Variants in CPAMD8 observed in about 807,000 individuals in gnomAD.
CPAMD8 encodes the protein C3 and PZP like alpha-2-macroglobulin domain containing 8, also known as C3 and PZP-like alpha-2-macroglobulin domain-containing protein 8.
Under a neutral mutation model 224.7 loss-of-function variants are expected in CPAMD8, and 146 were observed. The ratio of observed to expected loss-of-function variants is 0.65; its 90% CI spans 0.57 to 0.75. The LOEUF (loss-of-function observed/expected upper bound fraction) is 0.75. Among genes scored for constraint, CPAMD8 ranks in the 30% least tolerant of loss-of-function variants. The pLI is 0.00. For synonymous variants in CPAMD8, 966 were observed against 1,044.6 expected, an observed-to-expected ratio of 0.92 and a Z score of 1.45; for missense variants, 2,301 against 2,537.5, an observed-to-expected ratio of 0.91 and a Z score of 2.00.
At chr19:17,016,988 C>G (rs1170498051) in intron 3 of CPAMD8, among the ~76,000 whole-genome samples, 3 of 151,984 alleles carry the variant, frequency 2.0e-5, no homozygotes, top group Middle Eastern at 3.4e-3. Context: ...AGTCAATGGC[C>G]TGTTAGGAAT....
In CPAMD8 at chr19:16,925,358, G is replaced by T. The variant is rs1041584176; in HGVS notation, c.3385C>A (p.Pro1129Thr). Reference protein sequence around the residue: ...TASIIGDVMGPTLNHLNNLLR... With the variant: ...TASIIGDVMGTTLNHLNNLLR... Reference sequence around the variant, plus strand: ...AGGTTGTTGAGGTGGTTCAGGGTTGGCCCCATGACGTCCCCTGGTGGGAAG... The same window carrying T: ...AGGTTGTTGAGGTGGTTCAGGGTTGTCCCCATGACGTCCCCTGGTGGGAAG... Residue 1129 changes from proline to threonine, a missense_variant, in exon 26 of 42, where the codon CCA (proline) becomes ACA (threonine). Physicochemically the swap from Pro to Thr is conservative, Grantham distance 38. Coordinates refer to ENST00000443236, the MANE Select transcript of CPAMD8 (RefSeq NM_015692.5). The T allele has an allele frequency of 1.9e-6, 3 of 1,614,024 alleles. No individual in the cohort carries two copies. In the South Asian group the frequency reaches 3.3e-5, roughly 18 times the overall value.
At chr19:16,904,177 C>CCCCCCCCCCCCCCAGCAG in intron 32 of CPAMD8, 49 bp downstream of exon 32, 1 of 479,116 alleles carries the variant, frequency 2.1e-6, no homozygotes. Flanking sequence ...ACTGCAGGGA[C>CCCCCCCCCCCCCCAGCAG]CCCACCCACC....
chr19:16,990,581 T>C (rs2055903702), intron 12 of CPAMD8, among the ~76,000 whole-genome samples: 1 of 151,886 alleles, frequency 6.6e-6, no homozygotes, highest in Admixed American at 6.6e-5. Context: ...AAAAAGAAGT[T>C]GGGCCAGGCG....
intron 34 of CPAMD8, 85 bp from the exon 35 acceptor site, chr19:16,902,948 G>A: frequency 2.7e-6 from 2 of 742,256 alleles, no homozygotes; most frequent in Non-Finnish European, 4.4e-6. Flanking sequence ...GCAGTGGGGA[G>A]GTGGGAACAG....
intron 27 of CPAMD8, among the ~76,000 whole-genome samples, chr19:16,918,578 G>C (rs1459546395): frequency 6.6e-6 from 1 of 151,114 alleles, no homozygotes; most frequent in Non-Finnish European, 1.5e-5. Context: ...CTCCCCAGTA[G>C]TTGGGACTAA....
chr19:16,962,612 C>T (rs934065085), intron 18 of CPAMD8, among the ~76,000 whole-genome samples: 1 of 152,152 alleles, frequency 6.6e-6, no homozygotes, highest in African/African-American at 2.4e-5. Flanking sequence ...AGTTGGAAAA[C>T]ACTCTGCAGG....
At chr19:17,001,265 G>C (rs2056304692) in intron 9 of CPAMD8, among the ~76,000 whole-genome samples, 1 of 137,248 alleles carries the variant, frequency 7.3e-6, no homozygotes, top group Admixed American at 8.1e-5. Context: ...AGAGGTTGCA[G>C]AGAGCTGAGA....
At chr19:17,000,333 G>A in intron 10 of CPAMD8, 81 bp downstream of exon 10, 2 of 659,654 alleles carry the variant, frequency 3.0e-6, no homozygotes, top group Non-Finnish European at 5.6e-6. Context: ...ATAACAATAA[G>A]AGAAAGTAAA....
At position 16,947,137 on chromosome 19, in the gene CPAMD8, C is replaced by G; in HGVS notation, c.2599G>C (p.Gly867Arg). The G allele has an allele frequency of 6.2e-7, 1 of 1,613,592 alleles. No homozygotes were observed. The highest frequency in any genetic ancestry group is 8.5e-7 in the Non-Finnish European group (1 of 1,179,744). Reference protein sequence around the residue: ...HVTKKMCVAPGEAEPIWVVLS... With the variant: ...HVTKKMCVAPREAEPIWVVLS... The stretch of plus-strand genomic sequence containing the variant: ...ACGACCCAGATGGGCTCAGCCTCCC[C>G]GGGGGCCACACACATCTTCTTGGTC... Residue 867 changes from glycine to arginine, a missense_variant, in exon 21 of 42, where the codon GGG becomes CGG. Gly to Arg is a moderately radical substitution (Grantham distance 125). Transcript: ENST00000443236.
chr19:17,026,426 G>A (rs1474812187), intron 1 of CPAMD8, 125 bp downstream of exon 1: 11 of 1,087,990 alleles, frequency 1.0e-5, no homozygotes, highest in African/African-American at 1.7e-5. Flanking sequence ...GGGAACAAGA[G>A]GCCAGGTCCA....
At chr19:16,920,812 C>T (rs926373308) in intron 27 of CPAMD8, among the ~76,000 whole-genome samples, 3 of 149,280 alleles carry the variant, frequency 2.0e-5, no homozygotes, top group African/African-American at 5.0e-5. Flanking sequence ...CCCAAGATTG[C>T]ACCACTGCAC....
intron 3 of CPAMD8, among the ~76,000 whole-genome samples, chr19:17,017,950 T>C (rs1438028711): frequency 6.6e-6 from 1 of 151,574 alleles, no homozygotes; most frequent in Non-Finnish European, 1.5e-5. Context: ...GGAGAATCAC[T>C]TGAACCCAGG....
Position 16,896,479 on chromosome 19 carries a change from G to C in CPAMD8, c.5252C>G (p.Ala1751Gly). ...ACRQAAPLEP[A>G]PPSCCALEQR... ...ACCGAGGGCGCAGCAGCTGGGAGGC[G>C]CGGGCTCCAGGGGCGCGGCCTGGCG... Residue 1751 changes from alanine to glycine, a missense_variant, in exon 40 of 42, where the codon GCG becomes GGG. Ala to Gly is a moderately conservative substitution (Grantham distance 60). Coordinates refer to ENST00000443236, the MANE Select transcript of CPAMD8 (RefSeq NM_015692.5). 6.9e-7 allele frequency: 1 copy of C among 1,441,974 alleles called. No homozygotes were observed. Among genetic ancestry groups the C allele is most frequent in the South Asian group, 1.5e-5 (1 of 67,990 alleles). 89.3% of individuals were successfully genotyped at this position (1,441,974 alleles called of 1,614,324 possible). A position where few individuals can be genotyped will look rare whatever the true frequency, so the allele number is the denominator to read the frequency against.
chr19:16,966,772 A>G (rs1035204234), intron 18 of CPAMD8, among the ~76,000 whole-genome samples: 2 of 152,222 alleles, frequency 1.3e-5, no homozygotes, highest in African/African-American at 4.8e-5. Context: ...AGAAATGCAA[A>G]TCAAAACCAC....
In CPAMD8 at chr19:17,000,479, T is replaced by C. The variant is rs200939572; in HGVS notation, c.802A>G (p.Met268Val). 5 of 1,526,120 alleles carry C rather than the reference T, an allele frequency of 3.3e-6. No individual in the cohort carries two copies. Among genetic ancestry groups the C allele is most frequent in the Admixed American group, 1.7e-5 (1 of 59,886 alleles). The allele number at this position is 1,526,120 out of a possible 1,614,324, so 94.5% of individuals were successfully genotyped here. Residue 268 changes from methionine (M) to valine (V), a missense_variant, in exon 10 of 42, where the codon ATG (methionine) becomes GTG (valine). Transcript: ENST00000443236. ...TAGTACCCTACACCATTAACAGTCA[T>C]GTTGATCATTAAGGCACCAGCCACA... Reference protein sequence around the residue: ...KPVAGALMINMTVNGVGYYSH... With the variant: ...KPVAGALMINVTVNGVGYYSH...
intron 13 of CPAMD8, among the ~76,000 whole-genome samples, chr19:16,986,035 C>T (rs2055707709): frequency 6.6e-6 from 1 of 152,066 alleles, no homozygotes; most frequent in African/African-American, 2.4e-5. Context: ...AAGGAGAGCA[C>T]AAACCTTTCT....
In CPAMD8 at chr19:16,986,804, C is replaced by G. The variant is rs1191484136; in HGVS notation, c.1395+2839G>C. Reference sequence around the variant, plus strand: ...GATTGCGGCCAGGATGCAAACAGCCCAGCCAGTGAGCCTGCCACCAGTCCA... The same window carrying G: ...GATTGCGGCCAGGATGCAAACAGCCGAGCCAGTGAGCCTGCCACCAGTCCA... On this transcript the variant is annotated intron_variant, in intron 13 of 41. Coordinates refer to ENST00000443236, the MANE Select transcript of CPAMD8 (RefSeq NM_015692.5). Among the ~76,000 whole-genome samples, 8 of 152,120 alleles carry G rather than the reference C, an allele frequency of 5.3e-5. No homozygotes were observed. In the East Asian group the frequency reaches 1.6e-3, roughly 30 times the overall value.
At position 16,892,965 on chromosome 19, in the gene CPAMD8, G is replaced by T. The variant is rs757413430; in HGVS notation, c.*143C>A. ...ACCCCAGAACATGTGAGTAAGATCAGTAACGTGTATTCTTGTCAATATCCT... is the reference window on the plus strand; with the variant it reads ...ACCCCAGAACATGTGAGTAAGATCATTAACGTGTATTCTTGTCAATATCCT... On this transcript the variant is annotated 3_prime_UTR_variant, in exon 42 of 42. Coordinates refer to ENST00000443236, the MANE Select transcript of CPAMD8 (RefSeq NM_015692.5). 2.6e-6 allele frequency: 2 copies of T among 764,474 alleles called. No individual in the cohort carries two copies. The highest frequency in any genetic ancestry group is 1.7e-5 in the Admixed American group (1 of 58,840). The allele number at this position is 764,474 out of a possible 1,614,324, so 47.4% of individuals were successfully genotyped here.
chr19:16,949,788 A>G (rs959892523), intron 20 of CPAMD8, among the ~76,000 whole-genome samples: 1 of 151,998 alleles, frequency 6.6e-6, no homozygotes, highest in African/African-American at 2.4e-5. Context: ...TCCCGCCCCG[A>G]TGCCTGACTC....
Sources: allele counts gnomAD v4.1 joint callset (sites outside exome capture counted in the v4.1 genomes callset), GRCh38; gene constraint gnomAD v4.1.1; transcripts MANE v1.5; gene names NCBI Gene and HGNC (gene_info 2026-07-23, HGNC 2026-07-21).